The following ZNF215 variants were observed in gnomAD, a reference collection of about 807,000 sequenced individuals.
The protein encoded by ZNF215 is BWSCR2-associated zinc finger protein 2.
ZNF215 carries 24 observed loss-of-function variants against 27.2 expected under a neutral mutation model. That is an observed-to-expected ratio of 0.88 (90% CI 0.64 to 1.24). The LOEUF (loss-of-function observed/expected upper bound fraction) is 1.24. Among genes scored for constraint, ZNF215 ranks in the 50% most tolerant of loss-of-function variants. The pLI, the probability that ZNF215 is intolerant of heterozygous loss-of-function variation, is 0.00. For synonymous variants in ZNF215, 210 were observed against 204.0 expected (o/e 1.03, Z -0.25); for missense variants, 675 against 605.7 (o/e 1.11, Z -1.20).
chr11:6,984,201 G>C (rs1851017016), exon 6 of ZNF215: 1 of 327,052 alleles, frequency 3.1e-6, no homozygotes, highest in Non-Finnish European at 6.0e-6. Flanking sequence ...CTCCACCTCT[G>C]GGTTCAAGTG....
intron 3 of ZNF215, among the ~76,000 whole-genome samples, chr11:6,935,500 TAG>T (rs1208876408): frequency 1.3e-5 from 2 of 152,258 alleles, no homozygotes; most frequent in East Asian, 1.9e-4. Flanking sequence ...ACATAGCATA[TAG>T]AGTTTACAAA....
At chr11:6,982,167 G>C (rs1363512248) in intron 5 of ZNF215, among the ~76,000 whole-genome samples, 1 of 152,006 alleles carries the variant, frequency 6.6e-6, no homozygotes, top group Non-Finnish European at 1.5e-5. Flanking sequence ...TAGCTTGATG[G>C]GGATGGCATT....
downstream of ZNF215, among the ~76,000 whole-genome samples, chr11:6,984,972 C>T (rs909040272): frequency 6.6e-6 from 1 of 152,146 alleles, no homozygotes; most frequent in Admixed American, 6.6e-5. Flanking sequence ...ACCAGATATA[C>T]AAAGAAGACA....
intron 5 of ZNF215, among the ~76,000 whole-genome samples, chr11:6,976,721 A>G (rs1321609735): frequency 6.6e-6 from 1 of 152,040 alleles, no homozygotes; most frequent in African/African-American, 2.4e-5. Context: ...ACTCTTCCCC[A>G]TGCTCTAGCT....
intron 5 of ZNF215, among the ~76,000 whole-genome samples, chr11:6,971,005 T>TG (rs1850708643): frequency 6.6e-6 from 1 of 152,098 alleles, no homozygotes; most frequent in African/African-American, 2.4e-5. Flanking sequence ...AGCCAGGTGT[T>TG]GCAGATGACA....
Position 6,956,922 on chromosome 11 carries a change from A to G in ZNF215, c.*391A>G, listed in dbSNP as rs1564966856. 1 of 994,248 alleles carries G rather than the reference A, an allele frequency of 1.0e-6. No homozygotes were observed. The highest frequency in any genetic ancestry group is 1.2e-6 in the Non-Finnish European group (1 of 835,280). 61.6% of individuals were successfully genotyped at this position (994,248 alleles called of 1,614,324 possible). A position where few individuals can be genotyped will look rare whatever the true frequency, so the allele number is the denominator to read the frequency against. ...ACAATACTCTTGGAGTTGATATTTAATAAAACTCAGCCCTTTTAAGAAGGT... is the reference window on the plus strand; with the variant it reads ...ACAATACTCTTGGAGTTGATATTTAGTAAAACTCAGCCCTTTTAAGAAGGT... On this transcript the variant is annotated 3_prime_UTR_variant, in exon 7 of 7. Coordinates refer to ENST00000278319, the MANE Select transcript of ZNF215 (RefSeq NM_013250.4).
At chr11:6,990,108 T>C (rs1032095639), downstream of ZNF215, among the ~76,000 whole-genome samples, 1 of 152,194 alleles carries the variant, frequency 6.6e-6, no homozygotes, top group Non-Finnish European at 1.5e-5. Flanking sequence ...GGGAGACAGA[T>C]TTGAACCTTT....
downstream of ZNF215, among the ~76,000 whole-genome samples, chr11:6,992,424 C>T (rs935632303): frequency 2.0e-5 from 3 of 152,140 alleles, no homozygotes; most frequent in South Asian, 2.1e-4. Context: ...GTGCTGCTTC[C>T]GCAACCATCA....
rs372623841 is a variant in ZNF215, at chr11:6,956,163, C to T, written c.1186C>T (p.Arg396Ter). The change falls in exon 7 of 7, where the codon CGA becomes TGA. Residue 396 changes from arginine to a stop codon, truncating the protein, a stop_gained. Coordinates refer to ENST00000278319, the MANE Select transcript of ZNF215 (RefSeq NM_013250.4). LOFTEE classifies it low-confidence loss of function (END_TRUNC). ...KAFCRSSSLI[R>*]HQIIHTGEKP... ...CTTCTGCCGAAGTTCATCCCTTATT[C>T]GACATCAGATCATTCACACAGGAGA... 70 of 1,613,606 alleles carry T rather than the reference C, an allele frequency of 4.3e-5. No individual in the cohort carries two copies. The highest frequency in any genetic ancestry group is 1.7e-4 in the African/African-American group (13 of 75,004).
chr11:6,963,868 A>T (rs1850564655), intron 5 of ZNF215, among the ~76,000 whole-genome samples: 1 of 152,092 alleles, frequency 6.6e-6, no homozygotes, highest in Admixed American at 6.6e-5. Flanking sequence ...ATAACTGTTA[A>T]ATTATCACAA....
intron 6 of ZNF215, among the ~76,000 whole-genome samples, chr11:6,950,429 C>A (rs1359181348): frequency 6.6e-6 from 1 of 152,084 alleles, no homozygotes; most frequent in Non-Finnish European, 1.5e-5. Flanking sequence ...TTGTAGTTCT[C>A]CTTGAAGAGG....
At chr11:6,933,071 A>G (rs1849319722) in intron 3 of ZNF215, among the ~76,000 whole-genome samples, 1 of 152,218 alleles carries the variant, frequency 6.6e-6, no homozygotes, top group South Asian at 2.1e-4. Context: ...TGCAAAGTCT[A>G]AAATATTTGT....
At chr11:6,934,257 A>C (rs1265800020) in intron 3 of ZNF215, among the ~76,000 whole-genome samples, 11 of 152,202 alleles carry the variant, frequency 7.2e-5, no homozygotes, top group Admixed American at 7.2e-4. Flanking sequence ...ACAATGGTAT[A>C]ACAAAAAGGT....
intron 5 of ZNF215, among the ~76,000 whole-genome samples, chr11:6,980,125 A>G (rs1051818057): frequency 2.6e-5 from 4 of 152,114 alleles, no homozygotes; most frequent in East Asian, 1.9e-4. Context: ...TCAACAATCA[A>G]TCAGTTAACA....
Position 6,957,979 on chromosome 11 carries a change from C to T in ZNF215, c.*1448C>T, listed in dbSNP as rs1212120276. 2.0e-6 allele frequency: 2 copies of T among 985,248 alleles called. No homozygotes were observed. Among genetic ancestry groups the T allele is most frequent in the Non-Finnish European group, 2.4e-6 (2 of 829,924 alleles). The allele number at this position is 985,248 out of a possible 1,614,324, so 61.0% of individuals were successfully genotyped here. The stretch of plus-strand genomic sequence containing the variant: ...ATGATGGTAGCTTTTTGTGAAGGTT[C>T]ATACCTTATTCAAAGGCAGAAAAGG... On this transcript the variant is annotated 3_prime_UTR_variant, in exon 7 of 7. Transcript: ENST00000278319.
Position 6,937,486 on chromosome 11 carries a change from C to CT in ZNF215, c.401-4061dup, listed in dbSNP as rs57676890. On this transcript the variant is annotated intron_variant, in intron 3 of 6. Transcript: ENST00000278319. The stretch of plus-strand genomic sequence containing the variant: ...GCAATCCCTATCAAAATCTCAGCTG[C>CT]TTTTTTTTTTTTTTTTTTTTTTTTG... 1.9e-3 allele frequency among the ~76,000 whole-genome samples: 227 copies of CT among 118,902 alleles called. 5 individuals carry two copies. Among genetic ancestry groups the CT allele is most frequent in the African/African-American group, 6.7e-3 (202 of 29,994 alleles). 78.0% of individuals were successfully genotyped at this position (118,902 alleles called of 152,430 possible).
At chr11:6,927,346 A>G (rs1849089292) in intron 1 of ZNF215, among the ~76,000 whole-genome samples, 1 of 152,066 alleles carries the variant, frequency 6.6e-6, no homozygotes, top group Non-Finnish European at 1.5e-5. Context: ...GTTCCTCTTT[A>G]TCTAAGCTAC....
downstream of ZNF215, among the ~76,000 whole-genome samples, chr11:6,987,115 C>G (rs1003024665): frequency 3.9e-5 from 6 of 152,084 alleles, no homozygotes; most frequent in Non-Finnish European, 7.4e-5. Flanking sequence ...TTCACAATAG[C>G]AAAGACATGG....
chr11:6,934,692 T>C (rs1849376085), intron 3 of ZNF215, among the ~76,000 whole-genome samples: 1 of 152,216 alleles, frequency 6.6e-6, no homozygotes, highest in Non-Finnish European at 1.5e-5. Flanking sequence ...TCCTCACTTT[T>C]CAGGATTCAT....
Sources: gnomAD v4.1 joint callset for allele counts (sites outside exome capture counted in the v4.1 genomes callset) on GRCh38, gnomAD v4.1.1 for gene constraint, MANE v1.5 for transcripts, NCBI Gene and HGNC (gene_info 2026-07-23, HGNC 2026-07-21) for gene names.